The following P2RY6 variants were observed in gnomAD, a reference collection of about 807,000 sequenced individuals.
P2RY6 encodes P2Y purinoceptor 6.
In P2RY6, 19 loss-of-function variants were observed where a neutral mutation model predicts 16.3. The observed-to-expected ratio is 1.16, with a 90% CI of 0.81 to 1.71. The LOEUF (loss-of-function observed/expected upper bound fraction) is 1.71, where lower values mean the gene tolerates loss of function less well. Among genes scored for constraint, P2RY6 ranks in the 40% most tolerant of loss-of-function variants. The pLI, the probability that P2RY6 is intolerant of heterozygous loss-of-function variation, is 0.00. For missense variants in P2RY6, 389 were observed against 455.5 expected (o/e 0.85, Z 1.33); for synonymous variants, 184 against 201.5 (o/e 0.91, Z 0.74).
intron 2 of P2RY6, 130 bp from the exon 3 acceptor site, chr11:73,296,355 G>T: frequency 2.7e-6 from 2 of 729,746 alleles, no homozygotes; most frequent in Non-Finnish European, 4.5e-6. Flanking sequence ...TCACGGGGTG[G>T]TTAGAGTAGC....
chr11:73,296,226 A>G (rs1279010670), intron 2 of P2RY6, among the ~76,000 whole-genome samples: 11 of 106,028 alleles, frequency 1.0e-4, no homozygotes, highest in Admixed American at 9.6e-4. Context: ...GCTGAAGGAA[A>G]AAAAAAAATA....
intron 1 of P2RY6, among the ~76,000 whole-genome samples, chr11:73,292,089 G>C (rs947119836): frequency 3.3e-5 from 5 of 152,236 alleles, no homozygotes; most frequent in African/African-American, 1.2e-4. Context: ...GGCCAGTTTG[G>C]TGGTGAGGAG....
At chr11:73,296,248 A>G (rs1429091402) in intron 2 of P2RY6, among the ~76,000 whole-genome samples, 1 of 146,844 alleles carries the variant, frequency 6.8e-6, no homozygotes, top group Non-Finnish European at 1.5e-5. Context: ...ATATATATAT[A>G]TATATATATA....
intron 1 of P2RY6, among the ~76,000 whole-genome samples, chr11:73,284,599 C>T (rs1863894018): frequency 6.6e-6 from 1 of 152,224 alleles, no homozygotes; most frequent in Non-Finnish European, 1.5e-5. Flanking sequence ...CTTTGGTGCT[C>T]ACGTTTAATC....
intron 1 of P2RY6, among the ~76,000 whole-genome samples, chr11:73,265,881 C>T (rs1204475585): frequency 6.6e-6 from 1 of 152,230 alleles, no homozygotes; most frequent in East Asian, 1.9e-4. Context: ...TGGGCAAAAC[C>T]TCACTGTGTC....
intron 2 of P2RY6, among the ~76,000 whole-genome samples, chr11:73,296,053 C>T (rs1404810626): frequency 1.3e-5 from 2 of 151,866 alleles, no homozygotes; most frequent in Admixed American, 6.6e-5. Context: ...GAGGCAGGTG[C>T]CGCATTCCCC....
At chr11:73,290,176 C>G (rs796588600) in intron 1 of P2RY6, among the ~76,000 whole-genome samples, 1 of 150,912 alleles carries the variant, frequency 6.6e-6, no homozygotes. Context: ...GAGCCGAGAT[C>G]GTGCCATTGT....
At chr11:73,273,059 A>G (rs1863382506) in intron 1 of P2RY6, among the ~76,000 whole-genome samples, 7 of 151,360 alleles carry the variant, frequency 4.6e-5, no homozygotes, top group Admixed American at 4.6e-4. Flanking sequence ...AAATCTTAAG[A>G]CAGCCTGGAG....
intron 1 of P2RY6, among the ~76,000 whole-genome samples, chr11:73,276,544 A>T (rs1863544261): frequency 6.6e-6 from 1 of 152,212 alleles, no homozygotes; most frequent in African/African-American, 2.4e-5. Context: ...TAAAAATGAA[A>T]TTTTTATTTA....
Position 73,297,064 on chromosome 11 carries a change from G to A in P2RY6, c.546G>A (p.Pro182=), listed in dbSNP as rs778676887. ...GCACTGTCTGCTATGACCTCAGCCC[G>A]CCTGCCCTGGCCACCCACTATATGC... ...RNRTVCYDLS[P]PALATHYMPY... Residue 182 remains proline (P), a synonymous_variant, in exon 3 of 3, where the codon CCG becomes CCA. Coordinates refer to ENST00000540124, the MANE Select transcript of P2RY6 (RefSeq NM_001277204.2). 12 of 1,601,340 alleles carry A rather than the reference G, an allele frequency of 7.5e-6. No homozygotes were observed. The highest frequency in any genetic ancestry group is 1.1e-5 in the South Asian group (1 of 91,090).
chr11:73,275,333 G>A lies in P2RY6; in HGVS notation c.-121+2867G>A, dbSNP rs1362454756. Among the ~76,000 whole-genome samples, 3 of 152,316 alleles carry A rather than the reference G, an allele frequency of 2.0e-5. No individual in the cohort carries two copies. In the East Asian group the frequency reaches 5.8e-4, roughly 29 times the overall value. ...GGAGGCAGATCTCAACTCAGAGTGAGGGATAACCTTGTTTCTATCATGCCA... is the reference window on the plus strand; with the variant it reads ...GGAGGCAGATCTCAACTCAGAGTGAAGGATAACCTTGTTTCTATCATGCCA... On this transcript the variant is annotated intron_variant, in intron 1 of 2. Transcript: ENST00000540124.
intron 1 of P2RY6, among the ~76,000 whole-genome samples, chr11:73,266,553 C>G (rs1863110357): frequency 6.6e-6 from 1 of 151,878 alleles, no homozygotes; most frequent in Non-Finnish European, 1.5e-5. Context: ...CAGAAGTGGA[C>G]CAGGAGGCTC....
At chr11:73,293,781 A>G (rs1298863759) in intron 1 of P2RY6, among the ~76,000 whole-genome samples, 1 of 152,162 alleles carries the variant, frequency 6.6e-6, no homozygotes, top group Admixed American at 6.5e-5. Flanking sequence ...CAGGAGGATC[A>G]GTCTCACCAG....
chr11:73,291,804 C>T (rs1335724292), intron 1 of P2RY6, among the ~76,000 whole-genome samples: 3 of 151,890 alleles, frequency 2.0e-5, no homozygotes, highest in Admixed American at 1.3e-4. Context: ...TCAGTATGAC[C>T]ATATTCTACC....
chr11:73,284,831 A>AG (rs1398933770), intron 1 of P2RY6, among the ~76,000 whole-genome samples: 1 of 152,242 alleles, frequency 6.6e-6, no homozygotes, highest in East Asian at 1.9e-4. Flanking sequence ...TGAAAAAAAA[A>AG]CACGAAAACC....
chr11:73,288,910 C>G (rs1166416326), intron 1 of P2RY6, among the ~76,000 whole-genome samples: 3 of 152,206 alleles, frequency 2.0e-5, no homozygotes, highest in Admixed American at 2.0e-4. Context: ...AGGGGCCAAG[C>G]AAGGGGGTTT....
At chr11:73,272,179 G>A (rs1247319757), upstream of P2RY6, 2 of 175,278 alleles carry the variant, frequency 1.1e-5, no homozygotes, top group African/African-American at 2.4e-5. Flanking sequence ...GAAGTGACTT[G>A]CGGGCAGCTG....
Position 73,285,942 on chromosome 11 carries a change from G to C in P2RY6, c.-120-9788G>C, listed in dbSNP as rs574040348. Among the ~76,000 whole-genome samples, 430 of 152,344 alleles carry C rather than the reference G, an allele frequency of 2.8e-3. 2 individuals carry two copies. Among genetic ancestry groups the C allele is most frequent in the South Asian group, 4.6e-3 (22 of 4,830 alleles). On this transcript the variant is annotated intron_variant, in intron 1 of 2. Coordinates refer to ENST00000540124, the MANE Select transcript of P2RY6 (RefSeq NM_001277204.2). ...AGAGGCAAGCTGGACTGGTGTGGGA[G>C]AGCAGTCACTAGGGACAGATCTTGG...
At position 73,297,130 on chromosome 11, in the gene P2RY6, C is replaced by T. The variant is rs767521031; in HGVS notation, c.612C>T (p.Pro204=). ...TCACTGTCATCGGCTTCCTGCTGCC[C>T]TTTGCTGCCCTGCTGGCCTGCTACT... The part of the protein sequence containing the change: ...MALTVIGFLL[P]FAALLACYCL... The change falls in exon 3 of 3, where the codon CCC becomes CCT. Residue 204 remains proline (P), a synonymous_variant. Transcript: ENST00000540124. The T allele has an allele frequency of 2.5e-6, 4 of 1,604,720 alleles. No individual in the cohort carries two copies. The highest frequency in any genetic ancestry group is 3.4e-6 in the Non-Finnish European group (4 of 1,179,948).
Sources: allele counts gnomAD v4.1 joint callset (sites outside exome capture counted in the v4.1 genomes callset), GRCh38; gene constraint gnomAD v4.1.1; transcripts MANE v1.5; gene names NCBI Gene and HGNC (gene_info 2026-07-23, HGNC 2026-07-21).